Variants in RSRP1 observed in about 807,000 individuals in gnomAD.
The protein encoded by RSRP1 is arginine and serine rich protein 1, also known as arginine/serine-rich protein 1.
In RSRP1, 37 loss-of-function variants were observed where a neutral mutation model predicts 33.0. That is an observed-to-expected ratio of 1.12 (90% CI 0.86 to 1.48). The LOEUF is 1.48. Ranked by LOEUF, RSRP1 falls within the 40% of genes most tolerant of loss-of-function variation. The pLI is 0.00. For missense variants in RSRP1, 402 were observed against 385.3 expected (o/e 1.04, Z -0.36); for synonymous variants, 167 against 158.7 (o/e 1.05, Z -0.40).
intron 1 of RSRP1, among the ~76,000 whole-genome samples, chr1:25,257,924 T>A (rs1185148149): frequency 6.6e-6 from 1 of 152,044 alleles, no homozygotes; most frequent in Non-Finnish European, 1.5e-5. Flanking sequence ...AGAAATAGAT[T>A]TGAGGCAGAC....
Position 25,315,172 on chromosome 1 carries a change from G to C in RSRP1, c.-67+22806C>G, listed in dbSNP as rs1243714151. Among the ~76,000 whole-genome samples, 3 of 129,214 alleles carry C rather than the reference G, an allele frequency of 2.3e-5. 1 individual carries two copies. Among genetic ancestry groups the C allele is most frequent in the African/African-American group, 8.0e-5 (3 of 37,328 alleles). The allele number at this position is 129,214 out of a possible 152,430, so 84.8% of individuals were successfully genotyped here. A position where few individuals can be genotyped will look rare whatever the true frequency, so the allele number is the denominator to read the frequency against. ...TCCATCTCAAAAAAAAATTTTTTTT[G>C]CAAGGTCATGCATATGTCCCCCTGA... On this transcript the variant is annotated intron_variant, in intron 1 of 1. Transcript: ENST00000561867.
intron 1 of RSRP1, among the ~76,000 whole-genome samples, chr1:25,332,467 T>C (rs373495686): frequency 7.5e-6 from 1 of 132,658 alleles, no homozygotes; most frequent in Non-Finnish European, 1.8e-5. Flanking sequence ...GAATGAACTA[T>C]AGTCCCTGTT....
At chr1:25,254,971 T>G (rs1007105327) in intron 1 of RSRP1, among the ~76,000 whole-genome samples, 1 of 152,198 alleles carries the variant, frequency 6.6e-6, no homozygotes, top group Admixed American at 6.5e-5. Context: ...AGGACTGGTC[T>G]GCTTTGCACA....
In RSRP1 at chr1:25,311,530, G is replaced by A. The variant is rs1159568183; in HGVS notation, c.-67+26448C>T. Among the ~76,000 whole-genome samples the A allele has an allele frequency of 7.0e-3, 841 of 120,250 alleles. 101 individuals are homozygous for A. The highest frequency in any genetic ancestry group is 0.022 in the African/African-American group (772 of 35,694). The allele number at this position is 120,250 out of a possible 152,430, so 78.9% of individuals were successfully genotyped here. On this transcript the variant is annotated intron_variant, in intron 1 of 1. Transcript: ENST00000561867. ...ACAGAGCAAAACTCCGTCTCAAAAAGAAAAAAAAAAGGAAGAAAGAAAATT... is the reference window on the plus strand; with the variant it reads ...ACAGAGCAAAACTCCGTCTCAAAAAAAAAAAAAAAAGGAAGAAAGAAAATT...
At position 25,307,209 on chromosome 1, in the gene RSRP1, A is replaced by T. The variant is rs1470997874; in HGVS notation, c.-67+30769T>A. ...GGATTTAATAAGCTAATGCAGGGAC[A>T]TGCTAAGCACAACCCATCCCTGAGG... On this transcript the variant is annotated intron_variant, in intron 1 of 1. Coordinates refer to the RSRP1 transcript ENST00000561867. Among the ~76,000 whole-genome samples the T allele has an allele frequency of 1.1e-4, 14 of 132,170 alleles. 2 individuals carry two copies. The highest frequency in any genetic ancestry group is 1.4e-4 in the Non-Finnish European group (8 of 55,924). 86.7% of individuals were successfully genotyped at this position (132,170 alleles called of 152,430 possible).
rs1246359630 is a variant in RSRP1 at position 25,243,533 on chromosome 1, T to C, written c.756+17A>G. On this transcript the variant is annotated intron_variant, in intron 4 of 4. Transcript: ENST00000243189. ...CTAAATCCAATTTTTGAGTGTTCAATGCCTGGATATACTTACATTAGAGCT... is the reference window on the plus strand; with the variant it reads ...CTAAATCCAATTTTTGAGTGTTCAACGCCTGGATATACTTACATTAGAGCT... 2 of 1,611,610 alleles carry C rather than the reference T, an allele frequency of 1.2e-6. No homozygotes were observed. The highest frequency in any genetic ancestry group is 2.7e-5 in the African/African-American group (2 of 74,880).
chr1:25,284,929 A>T (rs1641834411), intron 1 of RSRP1, among the ~76,000 whole-genome samples: 1 of 134,946 alleles, frequency 7.4e-6, no homozygotes, highest in Non-Finnish European at 1.8e-5. Context: ...ATTCAAATTA[A>T]CTGGGCATCC....
At chr1:25,254,555 CCTCCTGAGTAG>C (rs914126194) in intron 1 of RSRP1, among the ~76,000 whole-genome samples, 3 of 152,178 alleles carry the variant, frequency 2.0e-5, no homozygotes, top group African/African-American at 7.2e-5. Context: ...CCTGCCTCAG[CCTCCTGAGTAG>C]CTGGGATTAT....
At chr1:25,296,155 G>A (rs1157026965) in intron 1 of RSRP1, among the ~76,000 whole-genome samples, 1 of 119,310 alleles carries the variant, frequency 8.4e-6, no homozygotes, top group East Asian at 2.0e-4. Flanking sequence ...GAGCCACCGC[G>A]CCCAGCCTGG....
chr1:25,251,286 A>T (rs1004315821), upstream of RSRP1, among the ~76,000 whole-genome samples: 2 of 152,214 alleles, frequency 1.3e-5, no homozygotes, highest in African/African-American at 4.8e-5. Context: ...TATTAAATTT[A>T]GGTTGTTTTA....
chr1:25,338,126 C>T (rs1645115744), upstream of RSRP1: 1 of 152,188 alleles, frequency 6.6e-6, no homozygotes, highest in Non-Finnish European at 1.5e-5. Context: ...GCTCAGCACA[C>T]AGAGCAACTT....
intron 1 of RSRP1, among the ~76,000 whole-genome samples, chr1:25,278,057 A>G (rs1355977755): frequency 2.3e-5 from 3 of 130,340 alleles, no homozygotes; most frequent in African/African-American, 7.8e-5. Flanking sequence ...TGGTGATTGT[A>G]TTGAGCATTT....
chr1:25,319,508 C>A (rs1644584712), intron 1 of RSRP1, among the ~76,000 whole-genome samples: 1 of 131,942 alleles, frequency 7.6e-6, no homozygotes, highest in Non-Finnish European at 1.8e-5. Flanking sequence ...GCTCTGGAGG[C>A]TGAGATGGGA....
chr1:25,321,565 G>C lies in RSRP1; in HGVS notation c.-67+16413C>G, dbSNP rs1193434901. Among the ~76,000 whole-genome samples, 10 of 124,838 alleles carry C rather than the reference G, an allele frequency of 8.0e-5. 2 individuals are homozygous for C. The highest frequency in any genetic ancestry group is 2.7e-4 in the African/African-American group (10 of 37,176). The allele number at this position is 124,838 out of a possible 152,430, so 81.9% of individuals were successfully genotyped here. A position where few individuals can be genotyped will look rare whatever the true frequency, so the allele number is the denominator to read the frequency against. ...GGCGCCTATAATCTCAGCTACTTGG[G>C]AGGCTGAGGCAGGATAATCGCTTGA... On this transcript the variant is annotated intron_variant, in intron 1 of 1. Coordinates refer to the RSRP1 transcript ENST00000561867.
At position 25,246,991 on chromosome 1, in the gene RSRP1, T is replaced by C; in HGVS notation, c.-28A>G. The C allele has an allele frequency of 6.5e-7, 1 of 1,526,834 alleles. No individual in the cohort carries two copies. Among genetic ancestry groups the C allele is most frequent in the Non-Finnish European group, 8.8e-7 (1 of 1,135,532 alleles). The allele number at this position is 1,526,834 out of a possible 1,614,324, so 94.6% of individuals were successfully genotyped here. On this transcript the variant is annotated 5_prime_UTR_variant, in exon 2 of 5. Coordinates refer to ENST00000243189, the MANE Select transcript of RSRP1 (RefSeq NM_020317.5). ...TCACCTGCGGCTTTAGCCTGCGCTT[T>C]CTCCGGAAAGGATCCCGCAAGCCTC... is the stretch of plus-strand genomic sequence containing the variant.
chr1:25,321,891 T>A, intron 1 of RSRP1: 1 of 1,269,410 alleles, frequency 7.9e-7, no homozygotes, highest in South Asian at 1.2e-5. Context: ...TTAAACAGGT[T>A]TGCTCCTAAA....
At chr1:25,305,794 G>T (rs1432966881) in intron 1 of RSRP1, among the ~76,000 whole-genome samples, 1 of 130,396 alleles carries the variant, frequency 7.7e-6, no homozygotes, top group Non-Finnish European at 1.8e-5. Context: ...TAGAGACGGG[G>T]TTTCACCATG....
chr1:25,267,005 G>C (rs1364836640), intron 1 of RSRP1: 1 of 120,586 alleles, frequency 8.3e-6, no homozygotes, highest in Non-Finnish European at 1.9e-5. Flanking sequence ...CTTCTGCAAG[G>C]AGACCTCGAC....
At chr1:25,315,305 G>A (rs1465533464) in intron 1 of RSRP1, among the ~76,000 whole-genome samples, 1 of 129,000 alleles carries the variant, frequency 7.8e-6, no homozygotes, top group South Asian at 2.4e-4. Context: ...CCTGAACTGT[G>A]TTTGGAGCTG....
Sources: allele counts gnomAD v4.1 joint callset (sites outside exome capture counted in the v4.1 genomes callset), GRCh38; gene constraint gnomAD v4.1.1; transcripts MANE v1.5; gene names NCBI Gene and HGNC (gene_info 2026-07-23, HGNC 2026-07-21).